The following ERBB4 variants were observed in gnomAD, a reference collection of about 807,000 sequenced individuals.
The protein encoded by ERBB4 is erb-b2 receptor tyrosine kinase 4, also known as receptor tyrosine-protein kinase erbB-4.
ERBB4 carries 42 observed loss-of-function variants against 158.0 expected under a neutral mutation model. The observed-to-expected ratio is 0.27, with a 90% CI of 0.21 to 0.34. ERBB4 has a LOEUF of 0.34. Ranked by LOEUF, ERBB4 falls within the 10% of genes least tolerant of loss-of-function variation. ERBB4 has a pLI of 1.00. For missense variants in ERBB4, 1,333 were observed against 1,624.1 expected, an observed-to-expected ratio of 0.82 and a Z score of 3.08; for synonymous variants, 583 against 558.7, an observed-to-expected ratio of 1.04 and a Z score of -0.61.
chr2:212,533,549 T>C (rs1345882903), intron 1 of ERBB4, among the ~76,000 whole-genome samples: 3 of 152,204 alleles, frequency 2.0e-5, no homozygotes, highest in Admixed American at 2.0e-4. Flanking sequence ...CCTCAAATTA[T>C]GTTGAAGACA....
At chr2:211,968,394 G>A (rs994769032) in intron 2 of ERBB4, among the ~76,000 whole-genome samples, 9 of 152,008 alleles carry the variant, frequency 5.9e-5, no homozygotes, top group African/African-American at 1.2e-4. Context: ...GAAATATTAA[G>A]AGCATATGTT....
At chr2:211,758,675 C>T (rs1314494141) in intron 4 of ERBB4, among the ~76,000 whole-genome samples, 1 of 152,146 alleles carries the variant, frequency 6.6e-6, no homozygotes, top group Non-Finnish European at 1.5e-5. Context: ...CCAATAACAA[C>T]AATAATAATG....
At chr2:212,040,345 A>ATC (rs1437216920) in intron 2 of ERBB4, among the ~76,000 whole-genome samples, 87 of 152,192 alleles carry the variant, frequency 5.7e-4, no homozygotes, top group African/African-American at 2.0e-3. Context: ...TGATTTTTAG[A>ATC]AAGAAAACAC....
chr2:211,837,442 G>A (rs757819601), intron 3 of ERBB4, among the ~76,000 whole-genome samples: 1 of 152,092 alleles, frequency 6.6e-6, no homozygotes, highest in Non-Finnish European at 1.5e-5. Flanking sequence ...CTAAAGCATA[G>A]AGGATTAAGG....
intron 19 of ERBB4, among the ~76,000 whole-genome samples, chr2:211,582,820 T>C (rs2068144631): frequency 6.6e-6 from 1 of 152,138 alleles, no homozygotes; most frequent in African/African-American, 2.4e-5. Context: ...CTTCAATTAT[T>C]AAAAATGTAG....
chr2:211,598,867 G>A (rs2068714018), intron 19 of ERBB4, among the ~76,000 whole-genome samples: 1 of 152,054 alleles, frequency 6.6e-6, no homozygotes, highest in South Asian at 2.1e-4. Context: ...CCATATAAAT[G>A]TACCCAACAA....
chr2:212,053,233 T>G (rs1213714960), intron 2 of ERBB4, among the ~76,000 whole-genome samples: 1 of 152,202 alleles, frequency 6.6e-6, no homozygotes, highest in African/African-American at 2.4e-5. Flanking sequence ...TCAAATCTAT[T>G]ACTTCTCCAA....
At chr2:212,264,113 C>T (rs914237645) in intron 1 of ERBB4, among the ~76,000 whole-genome samples, 8 of 152,042 alleles carry the variant, frequency 5.3e-5, no homozygotes, top group Non-Finnish European at 7.4e-5. Flanking sequence ...ATGTGGATGG[C>T]TCCACAGAAA....
At chr2:212,534,814 C>T (rs567030238) in intron 1 of ERBB4, among the ~76,000 whole-genome samples, 17 of 152,244 alleles carry the variant, frequency 1.1e-4, no homozygotes, top group African/African-American at 3.9e-4. Flanking sequence ...TTTGAATCCA[C>T]TTTGAGGAGG....
intron 1 of ERBB4, among the ~76,000 whole-genome samples, chr2:212,300,148 A>G (rs941754231): frequency 6.6e-6 from 1 of 151,566 alleles, no homozygotes; most frequent in Non-Finnish European, 1.5e-5. Flanking sequence ...AGAGGAAAGG[A>G]TTCATTACTT....
intron 4 of ERBB4, among the ~76,000 whole-genome samples, chr2:211,752,816 C>A (rs60617648): frequency 0.46 from 70,240 of 151,298 alleles, 16,519 homozygotes; most frequent in Middle Eastern, 0.53. Context: ...CCCACACACA[C>A]AAAAAACAAG....
At chr2:211,393,373 A>G (rs2062843204) in intron 25 of ERBB4, among the ~76,000 whole-genome samples, 1 of 152,200 alleles carries the variant, frequency 6.6e-6, no homozygotes, top group Non-Finnish European at 1.5e-5. Context: ...GAGCAGAGAA[A>G]TTAAAGGATC....
intron 12 of ERBB4, among the ~76,000 whole-genome samples, chr2:211,700,988 A>T (rs1380792411): frequency 6.6e-6 from 1 of 152,194 alleles, no homozygotes; most frequent in African/African-American, 2.4e-5. Flanking sequence ...AGTAGTATTC[A>T]GTAGAAAAAC....
At chr2:212,379,523 A>T (rs1333912328) in intron 1 of ERBB4, among the ~76,000 whole-genome samples, 2 of 151,740 alleles carry the variant, frequency 1.3e-5, no homozygotes, top group African/African-American at 4.8e-5. Context: ...CTAATCAGGA[A>T]TGATCACTGA....
chr2:211,491,037 C>T (rs776542726), intron 20 of ERBB4, among the ~76,000 whole-genome samples: 4 of 152,050 alleles, frequency 2.6e-5, no homozygotes, highest in Non-Finnish European at 5.9e-5. Flanking sequence ...GCGATGCTGT[C>T]TATTTCAGGA....
chr2:212,033,322 T>C (rs1039075534), intron 2 of ERBB4, among the ~76,000 whole-genome samples: 11 of 151,960 alleles, frequency 7.2e-5, no homozygotes, highest in African/African-American at 2.2e-4. Context: ...GCTGGGTATG[T>C]AGCTAATCAT....
At chr2:211,928,644 T>C (rs1009979689) in intron 3 of ERBB4, among the ~76,000 whole-genome samples, 18 of 152,158 alleles carry the variant, frequency 1.2e-4, no homozygotes, top group African/African-American at 3.9e-4. Flanking sequence ...AATACTAAGC[T>C]TCCCATGAGT....
chr2:211,959,038 T>C (rs931187448), intron 2 of ERBB4, among the ~76,000 whole-genome samples: 1 of 152,008 alleles, frequency 6.6e-6, no homozygotes, highest in African/African-American at 2.4e-5. Flanking sequence ...CTAACGTAAA[T>C]GTATTTTTAA....
chr2:212,459,907 C>A (rs1688487035), intron 1 of ERBB4, among the ~76,000 whole-genome samples: 1 of 152,080 alleles, frequency 6.6e-6, no homozygotes, highest in African/African-American at 2.4e-5. Flanking sequence ...TAAAACTAGA[C>A]CCCTACTGAT....
Sources: gnomAD v4.1 joint callset for allele counts (sites outside exome capture counted in the v4.1 genomes callset) on GRCh38, gnomAD v4.1.1 for gene constraint, MANE v1.5 for transcripts, NCBI Gene and HGNC (gene_info 2026-07-23, HGNC 2026-07-21) for gene names.